Variants in ASH1L observed in about 807,000 individuals in gnomAD.
ASH1L encodes histone-lysine N-methyltransferase ASH1L.
Under a neutral mutation model 269.0 loss-of-function variants are expected in ASH1L, and 23 were observed. The observed-to-expected ratio is 0.09, with a 90% CI of 0.06 to 0.12. The LOEUF is 0.12. Among genes scored for constraint, ASH1L ranks in the 10% least tolerant of loss-of-function variants. ASH1L has a pLI of 1.00. For synonymous variants in ASH1L, 1,187 were observed against 1,253.5 expected (o/e 0.95, Z 1.12); for missense variants, 2,912 against 3,567.8 (o/e 0.82, Z 4.68).
chr1:155,415,622 T>C (rs2148541285), intron 6 of ASH1L, 122 bp downstream of exon 6: 1 of 1,158,534 alleles, frequency 8.6e-7, no homozygotes, highest in South Asian at 1.5e-5. Flanking sequence ...CATACATGAG[T>C]GCAAAAACAC....
rs533409391 is a variant in ASH1L at position 155,552,594 on chromosome 1, C to A, written c.-100+9559G>T. On this transcript the variant is annotated intron_variant, in intron 1 of 27. Coordinates refer to ENST00000392403, the MANE Select transcript of ASH1L (RefSeq NM_018489.3). ...CCGGGAGGCAGAGCTTGCAGTGAGC[C>A]GAGATCGCACCACTGCACTCCAGCA... Among the ~76,000 whole-genome samples, 6 of 152,148 alleles carry A rather than the reference C, an allele frequency of 3.9e-5. No homozygotes were observed. The East Asian group carries it at 7.7e-4, about 20-fold the overall frequency.
At chr1:155,385,618 C>A (rs139045945) in intron 7 of ASH1L, among the ~76,000 whole-genome samples, 1 of 152,226 alleles carries the variant, frequency 6.6e-6, no homozygotes, top group East Asian at 1.9e-4. Context: ...TCCCAAAGTG[C>A]TGGGATTTCA....
At chr1:155,400,172 C>T (rs1032164602) in intron 6 of ASH1L, among the ~76,000 whole-genome samples, 4 of 151,814 alleles carry the variant, frequency 2.6e-5, no homozygotes, top group Non-Finnish European at 5.9e-5. Context: ...ACGGTGAAAC[C>T]CCGTCTCTAC....
intron 7 of ASH1L, among the ~76,000 whole-genome samples, chr1:155,392,584 G>A (rs898883973): frequency 6.6e-6 from 1 of 152,082 alleles, no homozygotes; most frequent in African/African-American, 2.4e-5. Context: ...TGCCTCCCAG[G>A]TTCAAGTGAT....
At chr1:155,460,849 G>A (rs1312537191) in intron 3 of ASH1L, among the ~76,000 whole-genome samples, 2 of 152,114 alleles carry the variant, frequency 1.3e-5, no homozygotes, top group Non-Finnish European at 2.9e-5. Context: ...CATGCTTTTA[G>A]CAAAACCGCA....
At chr1:155,533,275 T>C (rs1669812192) in intron 1 of ASH1L, among the ~76,000 whole-genome samples, 1 of 152,062 alleles carries the variant, frequency 6.6e-6, no homozygotes, top group Non-Finnish European at 1.5e-5. Context: ...TTACATATAT[T>C]ATCTCATTTA....
rs200142426 is a variant in ASH1L, at chr1:155,480,922, G to A, written c.1948C>T (p.Leu650Phe). The change falls in exon 3 of 28, where the codon CTT (leucine) becomes TTT (phenylalanine). Residue 650 changes from leucine (L) to phenylalanine (F), a missense_variant. Leu to Phe is a conservative substitution (Grantham distance 22). Transcript: ENST00000392403. Reference protein sequence around the residue: ...HIDIPRISSSLGKKPSLTSES... With the variant: ...HIDIPRISSSFGKKPSLTSES... ...GAAGTCAAACTTGGCTTTTTTCCAAGGGAAGAGCTTATTCTTGGAATATCT... is the reference window on the plus strand; with the variant it reads ...GAAGTCAAACTTGGCTTTTTTCCAAAGGAAGAGCTTATTCTTGGAATATCT... 94 of 1,613,886 alleles carry A rather than the reference G, an allele frequency of 5.8e-5. No homozygotes were observed. Among genetic ancestry groups the A allele is most frequent in the Middle Eastern group, 1.6e-4 (1 of 6,062 alleles).
At chr1:155,523,961 T>C (rs991703341) in intron 1 of ASH1L, among the ~76,000 whole-genome samples, 1 of 152,240 alleles carries the variant, frequency 6.6e-6, no homozygotes, top group South Asian at 2.1e-4. Flanking sequence ...TAGCTTGTTA[T>C]TGCTCCATTC....
intron 2 of ASH1L, among the ~76,000 whole-genome samples, chr1:155,517,531 G>T (rs1200929001): frequency 6.6e-6 from 1 of 151,826 alleles, no homozygotes; most frequent in Non-Finnish European, 1.5e-5. Context: ...TGGGAGGGAG[G>T]CTGAGGCAGG....
At chr1:155,527,172 C>T (rs1183048623) in intron 1 of ASH1L, among the ~76,000 whole-genome samples, 1 of 151,936 alleles carries the variant, frequency 6.6e-6, no homozygotes, top group African/African-American at 2.4e-5. Context: ...GGTGCCACTG[C>T]ACTCCAGCCT....
At position 155,480,216 on chromosome 1, in the gene ASH1L, G is replaced by T. The variant is rs868289176; in HGVS notation, c.2654C>A (p.Pro885His). ...AGGCCTGCCTCTCTTTTTTGGAAAA[G>T]GAGACACAGACAGACCTTGTTTGAA... ...PSFKQGLSVS[P>H]FPKKRGRPKR... is the part of the protein sequence containing the mutation. The change falls in exon 3 of 28, where the codon CCT becomes CAT. Residue 885 changes from proline to histidine, a missense_variant. Physicochemically the swap from Pro to His is moderately conservative, Grantham distance 77. Coordinates refer to ENST00000392403, the MANE Select transcript of ASH1L (RefSeq NM_018489.3). 6.2e-7 allele frequency: 1 copy of T among 1,613,970 alleles called. No individual in the cohort carries two copies. The highest frequency in any genetic ancestry group is 1.3e-5 in the African/African-American group (1 of 74,906).
Position 155,459,861 on chromosome 1 carries a change from T to C in ASH1L, c.5022A>G (p.Pro1674=). ...TAGGGCTACAATTTGTGCTCTCTGA[T>C]GGCCGCTGGGAGGGTTTATCAGAGG... ...QPTSDKPSQR[P]SESTNCSPTR... The change falls in exon 4 of 28, where the codon CCA becomes CCG. Residue 1674 remains proline (P), a synonymous_variant. Transcript: ENST00000392403. The C allele has an allele frequency of 1.1e-5, 18 of 1,612,744 alleles. No individual in the cohort carries two copies. The highest frequency in any genetic ancestry group is 1.5e-5 in the Non-Finnish European group (18 of 1,179,496).
chr1:155,523,546 C>T (rs1011629568), intron 1 of ASH1L, among the ~76,000 whole-genome samples: 8 of 152,134 alleles, frequency 5.3e-5, no homozygotes, highest in African/African-American at 1.7e-4. Context: ...TAAAATACCT[C>T]GCCCAATGAC....
chr1:155,399,940 C>A (rs142369195), intron 6 of ASH1L, among the ~76,000 whole-genome samples: 2 of 152,036 alleles, frequency 1.3e-5, no homozygotes, highest in East Asian at 3.9e-4. Flanking sequence ...TATGACTGGA[C>A]AAATAACTAG....
At chr1:155,433,370 C>G in intron 5 of ASH1L, 1 of 1,596,590 alleles carries the variant, frequency 6.3e-7, no homozygotes, top group Non-Finnish European at 8.5e-7. Flanking sequence ...TCCCCCATGC[C>G]CCCCGCTGTA....
intron 1 of ASH1L, among the ~76,000 whole-genome samples, chr1:155,530,017 C>T (rs930245466): frequency 6.6e-6 from 1 of 151,616 alleles, no homozygotes; most frequent in African/African-American, 2.4e-5. Context: ...GTTTCTCAAA[C>T]ACAACAAAAA....
At position 155,349,457 on chromosome 1, in the gene ASH1L, T is replaced by C. The variant is rs764043943; in HGVS notation, c.7424A>G (p.Asn2475Ser). ...AGAGATCTTCTCATAATAATCAGCA[T>C]TCCTGGAACACAAAGCCAGGGTGTC... ...PLLNLPPKKK[N>S]ADYYEKISDP... Residue 2475 changes from asparagine to serine, a missense_variant and splice_region_variant, in exon 19 of 28, where the codon AAT becomes AGT. Transcript: ENST00000392403. 1.2e-6 allele frequency: 2 copies of C among 1,614,120 alleles called. No individual in the cohort carries two copies. The highest frequency in any genetic ancestry group is 2.2e-5 in the South Asian group (2 of 91,090).
chr1:155,369,226 A>ATG (rs1655710310), intron 12 of ASH1L, among the ~76,000 whole-genome samples: 8 of 152,014 alleles, frequency 5.3e-5, no homozygotes, highest in Non-Finnish European at 1.2e-4. Context: ...GGCGGATCAC[A>ATG]AGGTCAGGAG....
chr1:155,464,251 A>T (rs1402829784), intron 3 of ASH1L, among the ~76,000 whole-genome samples: 1 of 152,250 alleles, frequency 6.6e-6, no homozygotes, highest in Non-Finnish European at 1.5e-5. Flanking sequence ...ATTCTAGTTC[A>T]AGAAAATCTG....
Sources: gnomAD v4.1 joint callset for allele counts (sites outside exome capture counted in the v4.1 genomes callset) on GRCh38, gnomAD v4.1.1 for gene constraint, MANE v1.5 for transcripts, NCBI Gene and HGNC (gene_info 2026-07-23, HGNC 2026-07-21) for gene names.